The following TIPARP variants were observed in gnomAD, a reference collection of about 807,000 sequenced individuals.
The protein encoded by TIPARP is protein mono-ADP-ribosyltransferase TIPARP.
Under a neutral mutation model 56.5 loss-of-function variants are expected in TIPARP, and 12 were observed. The observed-to-expected ratio is 0.21, with a 90% confidence interval of 0.14 to 0.34. TIPARP has a LOEUF of 0.34. TIPARP is among the 10% of genes least tolerant of loss of function. The pLI is 1.00. For missense variants in TIPARP, 604 were observed against 781.6 expected (o/e 0.77, Z 2.71); for synonymous variants, 296 against 265.7 (o/e 1.11, Z -1.11).
At chr3:156,675,268 A>G (rs1304913214) in intron 1 of TIPARP, 1 of 152,224 alleles carries the variant, frequency 6.6e-6, no homozygotes, top group Non-Finnish European at 1.5e-5. Flanking sequence ...TTTCACATTA[A>G]CTTTGAGAGC....
Position 156,703,461 on chromosome 3 carries a change from C to G in TIPARP, c.1285C>G (p.Leu429Val), listed in dbSNP as rs1202254748. Residue 429 changes from leucine to valine, a missense_variant, in exon 5 of 6, where the codon CTT becomes GTT. Physicochemically the swap from Leu to Val is conservative, Grantham distance 32. Around this residue, in one of 4 missense-constraint regions of TIPARP, gnomAD observed 252 missense variants for 303.9 expected, o/e 0.83. Coordinates refer to ENST00000295924, the MANE Select transcript of TIPARP (RefSeq NM_015508.5). ...GGTTCCCACACAAGCTCCTCCACCT[C>G]TTGAAGCAACTTCATCATCACAAAT... is the stretch of plus-strand genomic sequence containing the variant. ...GGVPTQAPPP[L>V]EATSSSQIIC... 2 of 1,614,118 alleles carry G rather than the reference C, an allele frequency of 1.2e-6. No homozygotes were observed. The highest frequency in any genetic ancestry group is 1.7e-6 in the Non-Finnish European group (2 of 1,180,050).
intron 2 of TIPARP, among the ~76,000 whole-genome samples, chr3:156,691,425 C>G (rs1031999241): frequency 5.3e-5 from 8 of 152,142 alleles, no homozygotes; most frequent in South Asian, 2.1e-4. Context: ...TGTACTGCTT[C>G]TTTGGCTTAC....
chr3:156,688,699 G>T (rs1294225558), intron 2 of TIPARP, among the ~76,000 whole-genome samples: 1 of 152,098 alleles, frequency 6.6e-6, no homozygotes, highest in African/African-American at 2.4e-5. Flanking sequence ...CATTTGAAGG[G>T]ATATAAGCTG....
At chr3:156,702,534 CATT>C (rs1280237960) in intron 4 of TIPARP, among the ~76,000 whole-genome samples, 1 of 152,154 alleles carries the variant, frequency 6.6e-6, no homozygotes, top group Non-Finnish European at 1.5e-5. Flanking sequence ...TTTTGGCACA[CATT>C]ATTACTTCCT....
At chr3:156,681,984 G>T (rs896811007) in intron 2 of TIPARP, among the ~76,000 whole-genome samples, 6 of 152,072 alleles carry the variant, frequency 3.9e-5, no homozygotes, top group African/African-American at 1.4e-4. Context: ...CTTAGTAGAC[G>T]ATGACATTGG....
At position 156,705,685 on chromosome 3, in the gene TIPARP, A is replaced by G. The variant is rs1559978516; in HGVS notation, c.*554A>G. ...CAGTACTAAAATGTATCAGCCAACC[A>G]GAGAACATCAGTGACTTTAACTTCT... On this transcript the variant is annotated 3_prime_UTR_variant, in exon 6 of 6. Transcript: ENST00000295924. The G allele has an allele frequency of 1.3e-5, 2 of 152,682 alleles. No individual in the cohort carries two copies. The highest frequency in any genetic ancestry group is 2.4e-5 in the African/African-American group (1 of 41,470). The allele number at this position is 152,682 out of a possible 1,614,324, so 9.5% of individuals were successfully genotyped here. A position where few individuals can be genotyped will look rare whatever the true frequency, so the allele number is the denominator to read the frequency against.
At chr3:156,685,293 C>T (rs887344698) in intron 2 of TIPARP, among the ~76,000 whole-genome samples, 1 of 152,228 alleles carries the variant, frequency 6.6e-6, no homozygotes, top group South Asian at 2.1e-4. Flanking sequence ...TTTCTCTGCT[C>T]TATGCTGTTT....
At chr3:156,695,826 CTTTTTT>C in intron 3 of TIPARP, 33 bp from the exon 4 acceptor site, 5 of 1,030,310 alleles carry the variant, frequency 4.9e-6, no homozygotes, top group Non-Finnish European at 4.8e-6. Context: ...ATTAACTTTC[CTTTTTT>C]TTTTTTTTTT....
At chr3:156,678,907 C>G (rs996279895) in intron 2 of TIPARP, among the ~76,000 whole-genome samples, 5 of 152,116 alleles carry the variant, frequency 3.3e-5, no homozygotes, top group Non-Finnish European at 1.5e-5. Context: ...TTTAATCACC[C>G]AAGGAAAGCT....
At chr3:156,704,640 C>T (rs142506006) in intron 5 of TIPARP, 44 bp from the exon 6 acceptor site, 1 of 1,563,424 alleles carries the variant, frequency 6.4e-7, no homozygotes, top group Non-Finnish European at 8.7e-7. Flanking sequence ...TTAAATTGAC[C>T]TGTATTTCAT....
At chr3:156,694,547 A>G (rs896252467) in intron 3 of TIPARP, among the ~76,000 whole-genome samples, 1 of 152,210 alleles carries the variant, frequency 6.6e-6, no homozygotes, top group Non-Finnish European at 1.5e-5. Flanking sequence ...TCTTGGGCTT[A>G]TGGAGATTGG....
Position 156,699,273 on chromosome 3 carries a change from G to A in TIPARP, c.1247+3248G>A, listed in dbSNP as rs184200101. Among the ~76,000 whole-genome samples the A allele has an allele frequency of 8.2e-4, 125 of 152,296 alleles. 2 individuals are homozygous for A. Among genetic ancestry groups the A allele is most frequent in the South Asian group, 7.0e-3 (34 of 4,830 alleles). ...ACTGCAACTTTGAAAGAAGTTCTGC[G>A]GGTAAAATGCTTTCAGATGGTACTG... On this transcript the variant is annotated intron_variant, in intron 4 of 5. Transcript: ENST00000295924.
At chr3:156,696,158 T>G (rs545037873) in intron 4 of TIPARP, 133 bp downstream of exon 4, 2 of 939,002 alleles carry the variant, frequency 2.1e-6, no homozygotes, top group East Asian at 3.0e-5. Flanking sequence ...AAATTAGTCT[T>G]TGGATTTTAA....
At position 156,695,773 on chromosome 3, in the gene TIPARP, G is replaced by T. The variant is rs539047361; in HGVS notation, c.1087-92G>T. ...TGTACTTTATTGAAATTCCTGTGAG[G>T]TTAACTTTTGCCTTTGGTTAATTTT... On this transcript the variant is annotated intron_variant, in intron 3 of 5. Transcript: ENST00000295924. 7.3e-5 allele frequency: 104 copies of T among 1,433,824 alleles called. No individual in the cohort carries two copies. The East Asian group carries it at 2.1e-3, about 28-fold the overall frequency. The allele number at this position is 1,433,824 out of a possible 1,614,324, so 88.8% of individuals were successfully genotyped here. A position where few individuals can be genotyped will look rare whatever the true frequency, so the allele number is the denominator to read the frequency against.
At chr3:156,680,052 T>C (rs1442788590) in intron 2 of TIPARP, among the ~76,000 whole-genome samples, 3 of 152,206 alleles carry the variant, frequency 2.0e-5, no homozygotes. Flanking sequence ...TTTTAGCAAC[T>C]TAATTATCAT....
chr3:156,682,660 C>T (rs989816171), intron 2 of TIPARP, among the ~76,000 whole-genome samples: 1 of 152,146 alleles, frequency 6.6e-6, no homozygotes, highest in Non-Finnish European at 1.5e-5. Flanking sequence ...TTAGCTCTGG[C>T]GTGCACAGCT....
intron 2 of TIPARP, among the ~76,000 whole-genome samples, chr3:156,688,284 G>A (rs1340465406): frequency 1.3e-5 from 2 of 151,346 alleles, no homozygotes; most frequent in Non-Finnish European, 2.9e-5. Flanking sequence ...GCTGAGGTGG[G>A]AGGGTAGTTT....
chr3:156,706,558 T>C lies in TIPARP; in HGVS notation c.*1427T>C, dbSNP rs1331887741. The C allele has an allele frequency of 6.6e-6, 1 of 152,660 alleles. No homozygotes were observed. The highest frequency in any genetic ancestry group is 2.4e-5 in the African/African-American group (1 of 41,460). The allele number at this position is 152,660 out of a possible 1,614,324, so 9.5% of individuals were successfully genotyped here. On this transcript the variant is annotated 3_prime_UTR_variant, in exon 6 of 6. Coordinates refer to ENST00000295924, the MANE Select transcript of TIPARP (RefSeq NM_015508.5). The stretch of plus-strand genomic sequence containing the variant: ...GTTGTTTGCTGCCATTGGCATGAAA[T>C]GGCCAACTGTGGCTGTTACAGTTCT...
intron 1 of TIPARP, chr3:156,675,764 C>G (rs1415013909): frequency 6.6e-6 from 1 of 152,114 alleles, no homozygotes; most frequent in Non-Finnish European, 1.5e-5. Context: ...TGCCGCAGAA[C>G]CCCAGCGTCA....
Sources: allele counts gnomAD v4.1 joint callset (sites outside exome capture counted in the v4.1 genomes callset), GRCh38; gene constraint gnomAD v4.1.1; regional missense constraint gnomAD v4.1.1; transcripts MANE v1.5; gene names NCBI Gene and HGNC (gene_info 2026-07-23, HGNC 2026-07-21).